The following EPHB3 variants were observed in gnomAD, a reference collection of about 807,000 sequenced individuals.
EPHB3 encodes ephrin type-B receptor 3.
In EPHB3, 33 loss-of-function variants were observed where a neutral mutation model predicts 100.2. The observed-to-expected ratio is 0.33, with a 90% CI of 0.25 to 0.44. EPHB3 has a LOEUF of 0.44. Ranked by LOEUF, EPHB3 falls within the 20% of genes least tolerant of loss-of-function variation. The pLI is 1.00. For missense variants in EPHB3, 1,045 were observed against 1,378.3 expected (o/e 0.76, Z 3.83); for synonymous variants, 526 against 554.7 (o/e 0.95, Z 0.73).
At position 184,562,602 on chromosome 3, in the gene EPHB3, CCA is replaced by C. The variant is rs1343908205; in HGVS notation, c.118+250_118+251del. ...GAGCTAGACTCGGGACGAACGTCCC[CCA>C]GAGTCCTGGCCCTGCTGTGAGCTTT... On this transcript the variant is annotated intron_variant, in intron 1 of 15. Transcript: ENST00000330394. The surrounding 1 kb of genome is among the most constrained non-coding windows in gnomAD (Gnocchi z 4.8). 2.0e-5 allele frequency among the ~76,000 whole-genome samples: 3 copies of C among 152,090 alleles called. No homozygotes were observed. In the East Asian group the frequency reaches 5.8e-4, roughly 29 times the overall value.
chr3:184,570,096 AAC>A (rs1277899166), intron 1 of EPHB3, among the ~76,000 whole-genome samples: 2 of 152,338 alleles, frequency 1.3e-5, no homozygotes, highest in East Asian at 3.9e-4. Context: ...AACAAGGTGA[AAC>A]AGACAAGAAA....
intron 4 of EPHB3, 119 bp downstream of exon 4, chr3:184,576,104 G>T: frequency 7.2e-7 from 1 of 1,382,170 alleles, no homozygotes; most frequent in South Asian, 1.5e-5. Context: ...CTGAGGCTCA[G>T]GGAAGTTAGA....
intron 3 of EPHB3, among the ~76,000 whole-genome samples, chr3:184,574,870 A>G (rs909005364): frequency 3.3e-5 from 5 of 152,238 alleles, no homozygotes; most frequent in African/African-American, 1.2e-4. Flanking sequence ...CAAAAGAGCT[A>G]GGGTGGAATA....
chr3:184,566,034 G>A (rs1400415530), intron 1 of EPHB3, among the ~76,000 whole-genome samples: 1 of 152,212 alleles, frequency 6.6e-6, no homozygotes, highest in Non-Finnish European at 1.5e-5. Flanking sequence ...GCTGGGGGGG[G>A]TGAAGGGTGG....
rs926574387 is a variant in EPHB3, at chr3:184,569,516, G to A, written c.119-1802G>A. Reference sequence around the variant, plus strand: ...TGGGCCCCGGCTTCTGAGCATCTCGGCTTCCCTCGAGTACCCCCCAGGCCG... The same window carrying A: ...TGGGCCCCGGCTTCTGAGCATCTCGACTTCCCTCGAGTACCCCCCAGGCCG... On this transcript the variant is annotated intron_variant, in intron 1 of 15. Transcript: ENST00000330394. This position sits in a 1 kb window ranked among gnomAD's most constrained non-coding sequence, Gnocchi z 5.4. Among the ~76,000 whole-genome samples, 7 of 152,106 alleles carry A rather than the reference G, an allele frequency of 4.6e-5. No individual in the cohort carries two copies. The highest frequency in any genetic ancestry group is 1.5e-5 in the Non-Finnish European group (1 of 67,996).
Position 184,576,928 on chromosome 3 carries a change from G to C in EPHB3, c.1099G>C (p.Gly367Arg), listed in dbSNP as rs1168221094. The change falls in exon 5 of 16, where the codon GGC (glycine) becomes CGC (arginine). Residue 367 changes from glycine (G) to arginine (R), a missense_variant. By Grantham distance (125) the Gly-to-Arg change is moderately radical (BLOSUM62 -2). This residue lies in a region of EPHB3 where 985 missense variants were observed against 1,331.1 expected (regional missense o/e 0.74). Coordinates refer to ENST00000330394, the MANE Select transcript of EPHB3 (RefSeq NM_004443.4). Reference protein sequence around the residue: ...LEWSEPRDLGGRDDLLYNVIC... With the variant: ...LEWSEPRDLGRRDDLLYNVIC... ...GTGGAGTGAGCCCCGGGACCTGGGT[G>C]GCCGGGATGACCTCCTGTACAATGT... 6.2e-7 allele frequency: 1 copy of C among 1,601,444 alleles called. No homozygotes were observed. Among genetic ancestry groups the C allele is most frequent in the Non-Finnish European group, 8.5e-7 (1 of 1,171,078 alleles).
intron 1 of EPHB3, among the ~76,000 whole-genome samples, chr3:184,570,646 T>A (rs1344139230): frequency 6.6e-6 from 1 of 151,952 alleles, no homozygotes; most frequent in Non-Finnish European, 1.5e-5. Context: ...GGGAACGGAG[T>A]CAGGGGAGGC....
At chr3:184,580,230 G>A (rs1372883586) in intron 11 of EPHB3, among the ~76,000 whole-genome samples, 172 bp from the exon 12 acceptor site, 1 of 152,210 alleles carries the variant, frequency 6.6e-6, no homozygotes, top group Non-Finnish European at 1.5e-5. Flanking sequence ...CTGGGATGTT[G>A]TCTATAAGAT....
rs62622379 is a variant in EPHB3 at position 184,581,720 on chromosome 3, G to A, written c.*98G>A. The A allele has an allele frequency of 0.051, 63,007 of 1,231,990 alleles. 3,163 individuals are homozygous for A. Among genetic ancestry groups the A allele is most frequent in the African/African-American group, 0.25 (16,337 of 65,362 alleles). 76.3% of individuals were successfully genotyped at this position (1,231,990 alleles called of 1,614,324 possible). A position where few individuals can be genotyped will look rare whatever the true frequency, so the allele number is the denominator to read the frequency against. Reference sequence around the variant, plus strand: ...ACTTTTGGATGCCTGGCCTTAGGCTGTGGCCCAGAAGCTGGAAGTTTGGGA... The same window carrying A: ...ACTTTTGGATGCCTGGCCTTAGGCTATGGCCCAGAAGCTGGAAGTTTGGGA... On this transcript the variant is annotated 3_prime_UTR_variant, in exon 16 of 16. Coordinates refer to ENST00000330394, the MANE Select transcript of EPHB3 (RefSeq NM_004443.4).
Position 184,577,094 on chromosome 3 carries a change from C to T in EPHB3, c.1265C>T (p.Thr422Ile). The stretch of plus-strand genomic sequence containing the variant: ...CATCTGCTGGCCCACACGCGCTACA[C>T]CTTTGAGGTGCAGGCGGTCAACGGT... Reference protein sequence around the residue: ...ISHLLAHTRYTFEVQAVNGVS... With the variant: ...ISHLLAHTRYIFEVQAVNGVS... Residue 422 changes from threonine (T) to isoleucine (I), a missense_variant, in exon 5 of 16, where the codon ACC (threonine) becomes ATC (isoleucine). Around this residue, in one of 2 missense-constraint regions of EPHB3, gnomAD observed 985 missense variants for 1,331.1 expected, o/e 0.74. Transcript: ENST00000330394. This position sits in a 1 kb window ranked among gnomAD's most constrained non-coding sequence, Gnocchi z 4.9. 12 of 1,613,448 alleles carry T rather than the reference C, an allele frequency of 7.4e-6. No homozygotes were observed. The highest frequency in any genetic ancestry group is 9.3e-6 in the Non-Finnish European group (11 of 1,179,804).
rs955478789 is a variant in EPHB3, at chr3:184,580,013, GC to G, written c.2172+83del. 1.9e-6 allele frequency: 3 copies of G among 1,549,826 alleles called. No homozygotes were observed. The African/African-American group carries it at 4.1e-5, about 21-fold the overall frequency. On this transcript the variant is annotated intron_variant, in intron 11 of 15. Transcript: ENST00000330394. ...ACCATCCCCTCCCACAAGTCAGACA[GC>G]CCCTATTCAAGTCCATAAGCATTTA...
chr3:184,576,421 C>T (rs1280683843), intron 4 of EPHB3, among the ~76,000 whole-genome samples: 1 of 152,216 alleles, frequency 6.6e-6, no homozygotes. Context: ...TTCCTCTCTG[C>T]CCTGGCCTTC....
In EPHB3 at chr3:184,581,312, G is replaced by A; in HGVS notation, c.2792G>A (p.Gly931Asp). Residue 931 changes from glycine (G) to aspartate (D), a missense_variant, in exon 15 of 16, where the codon GGT (glycine) becomes GAT (aspartate). This residue lies in a region of EPHB3 where 985 missense variants were observed against 1,331.1 expected (regional missense o/e 0.74). Coordinates refer to ENST00000330394, the MANE Select transcript of EPHB3 (RefSeq NM_004443.4). ...VPDYTTFTTV[G>D]DWLDAIKMGR... ...GATTACACAACCTTCACGACAGTTG[G>A]TGATTGGCTGGATGCCATCAAGATG... 6.2e-7 allele frequency: 1 copy of A among 1,609,730 alleles called. No individual in the cohort carries two copies. Among genetic ancestry groups the A allele is most frequent in the Non-Finnish European group, 8.5e-7 (1 of 1,177,554 alleles).
In EPHB3 at chr3:184,561,859, G is replaced by C. The variant is rs992165662; in HGVS notation, c.-377G>C. 1.3e-5 allele frequency: 2 copies of C among 152,836 alleles called. No homozygotes were observed. Among genetic ancestry groups the C allele is most frequent in the Non-Finnish European group, 2.9e-5 (2 of 68,626 alleles). The allele number at this position is 152,836 out of a possible 1,614,324, so 9.5% of individuals were successfully genotyped here. On this transcript the variant is annotated 5_prime_UTR_variant, in exon 1 of 16. Transcript: ENST00000330394. ...GGACGGCGCGCGCCCCCGAAGCCCC[G>C]GATCCCAGTCGGGCCCGCAGCTGAC...
rs1479548297 is a variant in EPHB3, at chr3:184,581,574, C to T, written c.2949C>T (p.Ile983=). 6.2e-7 allele frequency: 1 copy of T among 1,613,828 alleles called. No individual in the cohort carries two copies. The highest frequency in any genetic ancestry group is 8.5e-7 in the Non-Finnish European group (1 of 1,179,938). Reference sequence around the variant, plus strand: ...ACCAGAAGAAGATCCTGAGCAGTATCCAGGACATGCGGCTGCAGATGAACC... The same window carrying T: ...ACCAGAAGAAGATCCTGAGCAGTATTCAGGACATGCGGCTGCAGATGAACC... ...AGHQKKILSS[I]QDMRLQMNQT... Residue 983 remains isoleucine, a synonymous_variant, in exon 16 of 16, where the codon ATC becomes ATT. Coordinates refer to ENST00000330394, the MANE Select transcript of EPHB3 (RefSeq NM_004443.4).
Position 184,562,378 on chromosome 3 carries a change from C to A in EPHB3, c.118+25C>A. On this transcript the variant is annotated intron_variant, in intron 1 of 15. Coordinates refer to ENST00000330394, the MANE Select transcript of EPHB3 (RefSeq NM_004443.4). The surrounding 1 kb of genome is among the most constrained non-coding windows in gnomAD (Gnocchi z 4.8). ...GGTGAGCGGCGTCGGGGGGCGCGCC[C>A]GGGAACAAGGTGCCTGGGGTCGCGG... 1 of 1,214,250 alleles carries A rather than the reference C, an allele frequency of 8.2e-7. No individual in the cohort carries two copies. The highest frequency in any genetic ancestry group is 1.0e-6 in the Non-Finnish European group (1 of 977,994). 75.2% of individuals were successfully genotyped at this position (1,214,250 alleles called of 1,614,324 possible).
Position 184,578,521 on chromosome 3 carries a change from C to A in EPHB3, c.1801+55C>A. The A allele has an allele frequency of 1.1e-5, 17 of 1,608,632 alleles. No homozygotes were observed. Among genetic ancestry groups the A allele is most frequent in the Non-Finnish European group, 1.4e-5 (17 of 1,175,774 alleles). ...CTCTCCCAGCCCCCTGCAGGGCTCT[C>A]AGACACCCTTCTCCCTGCCTGGGAC... On this transcript the variant is annotated intron_variant, in intron 9 of 15. Coordinates refer to ENST00000330394, the MANE Select transcript of EPHB3 (RefSeq NM_004443.4). The surrounding 1 kb of genome is among the most constrained non-coding windows in gnomAD (Gnocchi z 4.7).
At chr3:184,574,696 G>A (rs1714630295) in intron 3 of EPHB3, among the ~76,000 whole-genome samples, 1 of 152,222 alleles carries the variant, frequency 6.6e-6, no homozygotes, top group Non-Finnish European at 1.5e-5. Flanking sequence ...TTCTCGATGG[G>A]AATCTGTCCT....
chr3:184,581,696 C>A lies in EPHB3; in HGVS notation c.*74C>A. Reference sequence around the variant, plus strand: ...CCGGCTGGACTTTCGGACTCTTGGACTTTTGGATGCCTGGCCTTAGGCTGT... The same window carrying A: ...CCGGCTGGACTTTCGGACTCTTGGAATTTTGGATGCCTGGCCTTAGGCTGT... On this transcript the variant is annotated 3_prime_UTR_variant, in exon 16 of 16. Coordinates refer to ENST00000330394, the MANE Select transcript of EPHB3 (RefSeq NM_004443.4). 2 of 1,378,126 alleles carry A rather than the reference C, an allele frequency of 1.5e-6. No homozygotes were observed. The highest frequency in any genetic ancestry group is 9.7e-7 in the Non-Finnish European group (1 of 1,027,796). The allele number at this position is 1,378,126 out of a possible 1,614,324, so 85.4% of individuals were successfully genotyped here.
Sources: gnomAD v4.1 joint callset for allele counts (sites outside exome capture counted in the v4.1 genomes callset) on GRCh38, gnomAD v4.1.1 for gene constraint, gnomAD v4.1.1 regional missense constraint, Gnocchi (gnomAD v3.1) non-coding constraint, MANE v1.5 for transcripts, NCBI Gene and HGNC (gene_info 2026-07-23, HGNC 2026-07-21) for gene names.